Variants in PHACTR2 observed in about 807,000 individuals in gnomAD.
PHACTR2 encodes phosphatase and actin regulator 2, also known as chromosome 6 open reading frame 56.
Under a neutral mutation model 76.0 loss-of-function variants are expected in PHACTR2, and 30 were observed. The ratio of observed to expected loss-of-function variants is 0.39; its 90% CI spans 0.30 to 0.54. The LOEUF is 0.54. Among genes scored for constraint, PHACTR2 ranks in the 20% least tolerant of loss-of-function variants. The probability of loss-of-function intolerance (pLI) is 0.61; values close to 1 mark genes in which losing one functional copy is unlikely to be tolerated. For missense variants in PHACTR2, 696 were observed against 781.1 expected (o/e 0.89, Z 1.30); for synonymous variants, 292 against 292.5 (o/e 1.00, Z 0.02).
chr6:143,813,578 A>G (rs1355381301), intron 12 of PHACTR2, among the ~76,000 whole-genome samples: 3 of 143,868 alleles, frequency 2.1e-5, no homozygotes, highest in Admixed American at 7.6e-5. Flanking sequence ...AGATCGCGCC[A>G]CTGCACTCCA....
In PHACTR2 at chr6:143,537,152, C is replaced by T. The variant is rs1361721074; in HGVS notation, c.162C>T (p.Asp54=). 2.1e-5 allele frequency: 7 copies of T among 334,606 alleles called. No homozygotes were observed. Among genetic ancestry groups the T allele is most frequent in the Admixed American group, 3.5e-5 (1 of 28,422 alleles). The allele number at this position is 334,606 out of a possible 1,614,324, so 20.7% of individuals were successfully genotyped here. The change falls in exon 1 of 12, where the codon GAC becomes GAT. Residue 54 remains aspartate, a synonymous_variant. Coordinates refer to the PHACTR2 transcript ENST00000367584. The surrounding 1 kb of genome is among the most constrained non-coding windows in gnomAD (Gnocchi z 4.4). Reference sequence around the variant, plus strand: ...GCCCCCGCGGCCGCTCACAGAGCGACCTCTCGTCGTCCTCGAGCAGGGGCC... The same window carrying T: ...GCCCCCGCGGCCGCTCACAGAGCGATCTCTCGTCGTCCTCGAGCAGGGGCC...
chr6:143,770,736 T>G (rs771588279), intron 6 of PHACTR2, among the ~76,000 whole-genome samples: 1 of 152,112 alleles, frequency 6.6e-6, no homozygotes, highest in Non-Finnish European at 1.5e-5. Context: ...TCTTTGTGTC[T>G]TAAAATGAAG....
intron 9 of PHACTR2, among the ~76,000 whole-genome samples, chr6:143,778,649 A>G (rs1421701646): frequency 6.6e-6 from 1 of 152,150 alleles, no homozygotes; most frequent in Non-Finnish European, 1.5e-5. Context: ...CACAAAACAA[A>G]CCAAAAAGGT....
rs1407299705 is a variant in PHACTR2, at chr6:143,730,192, G to A, written c.214+18009G>A. Among the ~76,000 whole-genome samples the A allele has an allele frequency of 6.6e-6, 1 of 151,944 alleles. No individual in the cohort carries two copies. ...TTAGAACCAACTTGTTTTTATTGTT[G>A]AAAAATTACTGCTGGGGTACTTTTT... On this transcript the variant is annotated intron_variant, in intron 2 of 12. Transcript: ENST00000440869. This position sits in a 1 kb window ranked among gnomAD's most constrained non-coding sequence, Gnocchi z 4.8.
At chr6:143,579,146 C>A (rs1256656717) in intron 1 of PHACTR2, among the ~76,000 whole-genome samples, 1 of 152,098 alleles carries the variant, frequency 6.6e-6, no homozygotes, top group African/African-American at 2.4e-5. Flanking sequence ...TCAAGTGATC[C>A]CCCCACCTTG....
rs1375834105 is a variant in PHACTR2, at chr6:143,764,379, G to C, written c.695-882G>C. On this transcript the variant is annotated intron_variant, in intron 5 of 12. Coordinates refer to ENST00000440869, the MANE Select transcript of PHACTR2 (RefSeq NM_001100164.2). This position sits in a 1 kb window ranked among gnomAD's most constrained non-coding sequence, Gnocchi z 4.7. Reference sequence around the variant, plus strand: ...AACAAAAATACATTAAAGTTAGCCAGGCATGGTGGTACACACCTGTAGTCC... The same window carrying C: ...AACAAAAATACATTAAAGTTAGCCACGCATGGTGGTACACACCTGTAGTCC... Among the ~76,000 whole-genome samples, 6 of 152,062 alleles carry C rather than the reference G, an allele frequency of 3.9e-5. No homozygotes were observed. The highest frequency in any genetic ancestry group is 3.9e-4 in the Admixed American group (6 of 15,272).
At chr6:143,771,555 G>C (rs1469194626) in intron 6 of PHACTR2, among the ~76,000 whole-genome samples, 1 of 151,764 alleles carries the variant, frequency 6.6e-6, no homozygotes, top group African/African-American at 2.4e-5. Context: ...TCCTGCCTCA[G>C]CCTCCCGAGT....
At chr6:143,796,007 G>T (rs777932980) in intron 11 of PHACTR2, among the ~76,000 whole-genome samples, 11 of 152,152 alleles carry the variant, frequency 7.2e-5, no homozygotes, top group Non-Finnish European at 1.6e-4. Context: ...TTGTCCAACA[G>T]GTCACTCAGT....
chr6:143,551,925 C>T (rs1249965920), intron 1 of PHACTR2, among the ~76,000 whole-genome samples: 1 of 152,098 alleles, frequency 6.6e-6, no homozygotes, highest in Non-Finnish European at 1.5e-5. Context: ...CTGGAATTTT[C>T]CTACATAGCT....
intron 2 of PHACTR2, among the ~76,000 whole-genome samples, chr6:143,736,549 T>C (rs1018229793): frequency 7.0e-5 from 10 of 143,234 alleles, no homozygotes; most frequent in African/African-American, 2.3e-4. Context: ...GCCAAACCCT[T>C]TACAATTTTT....
chr6:143,727,922 G>A lies in PHACTR2; in HGVS notation c.214+15739G>A, dbSNP rs973776099. ...GAAAAGTTAAAAGCCTTTCCTCTAAGAACTGGAACAAGACAAGGATGCCCA... is the reference window on the plus strand; with the variant it reads ...GAAAAGTTAAAAGCCTTTCCTCTAAAAACTGGAACAAGACAAGGATGCCCA... On this transcript the variant is annotated intron_variant, in intron 2 of 12. Transcript: ENST00000440869. Among the ~76,000 whole-genome samples the A allele has an allele frequency of 4.6e-5, 7 of 152,134 alleles. No homozygotes were observed. The South Asian group carries it at 1.4e-3, about 31-fold the overall frequency.
At position 143,818,563 on chromosome 6, in the gene PHACTR2, G is replaced by A. The variant is rs1190466220; in HGVS notation, c.1923-5111G>A. Among the ~76,000 whole-genome samples, 1 of 152,134 alleles carries A rather than the reference G, an allele frequency of 6.6e-6. No individual in the cohort carries two copies. The highest frequency in any genetic ancestry group is 2.4e-5 in the African/African-American group (1 of 41,436). ...CTCATGCTGTTATAAGGACATACCC[G>A]AGACTGGGTAATTTATAAAGGAAAG... On this transcript the variant is annotated intron_variant, in intron 12 of 12. Coordinates refer to ENST00000440869, the MANE Select transcript of PHACTR2 (RefSeq NM_001100164.2). The surrounding 1 kb of genome is among the most constrained non-coding windows in gnomAD (Gnocchi z 4.9).
rs1775182287 is a variant in PHACTR2 at position 143,772,553 on chromosome 6, C to T, written c.1432+96C>T. On this transcript the variant is annotated intron_variant, in intron 7 of 12. Coordinates refer to ENST00000440869, the MANE Select transcript of PHACTR2 (RefSeq NM_001100164.2). The surrounding 1 kb of genome is among the most constrained non-coding windows in gnomAD (Gnocchi z 5.4). ...AAAAGCCTCATTAGGAACCAGACAT[C>T]TGATGTTTTCTTTCCCCTCATCCTC... The T allele has an allele frequency of 1.2e-6, 1 of 829,964 alleles. No homozygotes were observed. Among genetic ancestry groups the T allele is most frequent in the Admixed American group, 2.4e-5 (1 of 41,680 alleles). 51.4% of individuals were successfully genotyped at this position (829,964 alleles called of 1,614,324 possible).
At position 143,806,504 on chromosome 6, in the gene PHACTR2, A is replaced by G. The variant is rs938426382; in HGVS notation, c.1846-553A>G. ...CATGACCTGCACTTTCCTTGTGGTC[A>G]TCGTGGGTGGGGGATGTTCCGTGTG... is the stretch of plus-strand genomic sequence containing the variant. On this transcript the variant is annotated intron_variant, in intron 11 of 12. Transcript: ENST00000440869. This position sits in a 1 kb window ranked among gnomAD's most constrained non-coding sequence, Gnocchi z 5.8. Among the ~76,000 whole-genome samples, 3 of 152,202 alleles carry G rather than the reference A, an allele frequency of 2.0e-5. 1 individual carries two copies. Among genetic ancestry groups the G allele is most frequent in the African/African-American group, 2.4e-5 (1 of 41,458 alleles).
intron 2 of PHACTR2, among the ~76,000 whole-genome samples, chr6:143,715,322 T>A (rs1245480277): frequency 6.6e-6 from 1 of 152,196 alleles, no homozygotes; most frequent in Non-Finnish European, 1.5e-5. Flanking sequence ...CTCTTCTTCT[T>A]CTCATCACCC....
At chr6:143,724,739 GT>G (rs1778519921) in intron 2 of PHACTR2, among the ~76,000 whole-genome samples, 1 of 152,158 alleles carries the variant, frequency 6.6e-6, no homozygotes, top group Non-Finnish European at 1.5e-5. Flanking sequence ...TTGAGCCCTG[GT>G]TTGTGCCAGC....
At chr6:143,681,957 G>A (rs1318589678) in intron 1 of PHACTR2, among the ~76,000 whole-genome samples, 4 of 152,196 alleles carry the variant, frequency 2.6e-5, no homozygotes, top group Non-Finnish European at 5.9e-5. Context: ...TTACCACAAT[G>A]TCTAGATTAC....
intron 1 of PHACTR2, among the ~76,000 whole-genome samples, chr6:143,594,064 CT>C (rs1775722457): frequency 6.6e-6 from 1 of 152,162 alleles, no homozygotes; most frequent in African/African-American, 2.4e-5. Flanking sequence ...AAATCTGAAA[CT>C]TTTTGAGAAC....
intron 1 of PHACTR2, among the ~76,000 whole-genome samples, chr6:143,703,232 G>A (rs375066012): frequency 1.3e-5 from 2 of 151,864 alleles, no homozygotes; most frequent in East Asian, 3.9e-4. Context: ...TTATCTGGGG[G>A]AATAGAGGTG....
Sources: allele counts gnomAD v4.1 joint callset (sites outside exome capture counted in the v4.1 genomes callset), GRCh38; gene constraint gnomAD v4.1.1; non-coding constraint Gnocchi (gnomAD v3.1); transcripts MANE v1.5; gene names NCBI Gene and HGNC (gene_info 2026-07-23, HGNC 2026-07-21).